Variants in NFASC observed in about 807,000 individuals in gnomAD.
NFASC encodes the protein neurofascin homolog.
A neutral mutation model predicts 147.5 loss-of-function variants in NFASC; 43 were observed. The ratio of observed to expected loss-of-function variants is 0.29; its 90% CI spans 0.23 to 0.38. NFASC has a LOEUF of 0.38. NFASC is among the 10% of genes least tolerant of loss of function. NFASC has a pLI of 1.00. For synonymous variants in NFASC, 622 were observed against 665.5 expected (o/e 0.93, Z 1.01); for missense variants, 1,320 against 1,689.0 (o/e 0.78, Z 3.83).
intron 1 of NFASC, among the ~76,000 whole-genome samples, chr1:204,908,014 T>C (rs2802838): frequency 0.88 from 134,171 of 152,146 alleles, 59,344 homozygotes; most frequent in African/African-American, 0.93. Flanking sequence ...CAGGGTCTTG[T>C]TCTGTCACTA....
In NFASC at chr1:204,844,655, C is replaced by A. The variant is rs554209634; in HGVS notation, c.-200+15873C>A. On this transcript the variant is annotated intron_variant, in intron 1 of 29. Coordinates refer to ENST00000339876, the MANE Select transcript of NFASC (RefSeq NM_001005388.3). ...CAGCGCTTTGGGAGGCTGAGGCAAG[C>A]AGATCACTTGGGCTCAATGTAAGAA... 1.1e-4 allele frequency among the ~76,000 whole-genome samples: 17 copies of A among 152,164 alleles called. No homozygotes were observed. In the East Asian group the frequency reaches 3.3e-3, roughly 29 times the overall value.
intron 10 of NFASC, among the ~76,000 whole-genome samples, chr1:204,969,331 G>A (rs531617118): frequency 1.3e-5 from 2 of 152,264 alleles, no homozygotes; most frequent in Admixed American, 6.5e-5. Context: ...TGTGTCACGT[G>A]AGCCCGTGCT....
In NFASC at chr1:205,019,433, T is replaced by A. The variant is rs1216798522; in HGVS notation, c.*2894T>A. The A allele has an allele frequency of 6.6e-6, 1 of 152,234 alleles. No individual in the cohort carries two copies. Among genetic ancestry groups the A allele is most frequent in the Non-Finnish European group, 1.5e-5 (1 of 68,054 alleles). 9.4% of individuals were successfully genotyped at this position (152,234 alleles called of 1,614,324 possible). On this transcript the variant is annotated 3_prime_UTR_variant, in exon 30 of 30. Coordinates refer to ENST00000339876, the MANE Select transcript of NFASC (RefSeq NM_001005388.3). ...TGACTAGGCTGCAATCCCACCTATATGCTCAGCCCTAAGAGCTGTGGTTTC... is the reference window on the plus strand; with the variant it reads ...TGACTAGGCTGCAATCCCACCTATAAGCTCAGCCCTAAGAGCTGTGGTTTC...
intron 1 of NFASC, among the ~76,000 whole-genome samples, chr1:204,882,038 C>T (rs934671724): frequency 6.6e-6 from 1 of 152,114 alleles, no homozygotes; most frequent in Admixed American, 6.5e-5. Context: ...CCCCACCCTG[C>T]TTCTTGGCTA....
chr1:204,992,316 G>T (rs1178065548), intron 24 of NFASC, among the ~76,000 whole-genome samples: 2 of 152,168 alleles, frequency 1.3e-5, no homozygotes, highest in Non-Finnish European at 2.9e-5. Flanking sequence ...AGGAATCTGA[G>T]GGTTGGCTTA....
In NFASC at chr1:205,016,584, G is replaced by A. The variant is rs1454587587; in HGVS notation, c.*45G>A. 2 of 1,395,366 alleles carry A rather than the reference G, an allele frequency of 1.4e-6. No homozygotes were observed. Among genetic ancestry groups the A allele is most frequent in the Admixed American group, 1.7e-5 (1 of 59,082 alleles). The allele number at this position is 1,395,366 out of a possible 1,614,324, so 86.4% of individuals were successfully genotyped here. On this transcript the variant is annotated 3_prime_UTR_variant, in exon 30 of 30. Coordinates refer to ENST00000339876, the MANE Select transcript of NFASC (RefSeq NM_001005388.3). This position sits in a 1 kb window ranked among gnomAD's most constrained non-coding sequence, Gnocchi z 5.1. Reference sequence around the variant, plus strand: ...GCCACCACTTTGCAAGTGGGAGGAGGGGAGAAGGGGAGACAAAACCACTGC... The same window carrying A: ...GCCACCACTTTGCAAGTGGGAGGAGAGGAGAAGGGGAGACAAAACCACTGC...
At chr1:204,903,918 T>C (rs2085209116) in intron 1 of NFASC, among the ~76,000 whole-genome samples, 1 of 152,204 alleles carries the variant, frequency 6.6e-6, no homozygotes, top group African/African-American at 2.4e-5. Context: ...TGTAGGGTGT[T>C]TGTTGAAATT....
At chr1:204,957,510 C>T in intron 7 of NFASC, 146 bp from the exon 8 acceptor site, 2 of 671,408 alleles carry the variant, frequency 3.0e-6, no homozygotes, top group African/African-American at 1.8e-5. Context: ...ATAAGCCATA[C>T]TTCAGAGTTG....
chr1:204,990,438 TCCAGCC>T (rs1381347330), intron 23 of NFASC: 1 of 151,962 alleles, frequency 6.6e-6, no homozygotes, highest in East Asian at 1.9e-4. Flanking sequence ...AGCCCTATTG[TCCAGCC>T]CCAGTAACCA....
chr1:204,945,512 T>G (rs1200656770), intron 3 of NFASC, among the ~76,000 whole-genome samples: 1 of 137,988 alleles, frequency 7.2e-6, no homozygotes, highest in African/African-American at 2.7e-5. Flanking sequence ...TCACCCATAA[T>G]AGCTGCCCCT....
Position 204,962,046 on chromosome 1 carries a change from G to T in NFASC, c.706+4220G>T. 2.3e-6 allele frequency: 3 copies of T among 1,322,936 alleles called. No homozygotes were observed. The South Asian group carries it at 3.6e-5, about 16-fold the overall frequency. 81.9% of individuals were successfully genotyped at this position (1,322,936 alleles called of 1,614,324 possible). On this transcript the variant is annotated intron_variant, in intron 8 of 29. Transcript: ENST00000339876. ...GGCTTTGCATTTGTTTTCTCTCCCC[G>T]TTTATGCCTCTGTGACTTCTCCGTG...
At chr1:204,992,760 G>A (rs532568492) in intron 24 of NFASC, among the ~76,000 whole-genome samples, 93 of 152,322 alleles carry the variant, frequency 6.1e-4, no homozygotes, top group South Asian at 1.9e-3. Context: ...CCCCTGTTCT[G>A]GCACCCTGGG....
At position 204,830,831 on chromosome 1, in the gene NFASC, G is replaced by C. The variant is rs78852012; in HGVS notation, c.-200+2049G>C. ...AGGCGTTAAGAGCGAATTGCAGACA[G>C]ACTCTGTCCCTTCTCTGCAAGGCTT... On this transcript the variant is annotated intron_variant, in intron 1 of 29. Coordinates refer to ENST00000339876, the MANE Select transcript of NFASC (RefSeq NM_001005388.3). Among the ~76,000 whole-genome samples the C allele has an allele frequency of 8.3e-3, 1,264 of 152,338 alleles. 8 individuals are homozygous for C. Among genetic ancestry groups the C allele is most frequent in the Non-Finnish European group, 0.011 (774 of 68,036 alleles).
intron 26 of NFASC, 34 bp downstream of exon 26, chr1:205,001,320 AG>A: frequency 7.0e-7 from 1 of 1,427,556 alleles, no homozygotes; most frequent in East Asian, 2.3e-5. Context: ...TGGTGGCGGC[AG>A]CGGCGTCGGC....
chr1:204,995,350 G>GTGTA (rs879385045), intron 24 of NFASC, among the ~76,000 whole-genome samples: 1,997 of 126,652 alleles, frequency 0.016, 22 homozygotes, highest in Middle Eastern at 0.029. Flanking sequence ...GTGTGTGTGT[G>GTGTA]TGTATGTGTG....
rs2150231115 is a variant in NFASC at position 204,968,225 on chromosome 1, G to A, written c.707-24G>A. ...TCTGCCTTCTGGAAGGAGGCTCATGGGAGTTTGTTCTCTCCTGTTTCAGCC... is the reference window on the plus strand; with the variant it reads ...TCTGCCTTCTGGAAGGAGGCTCATGAGAGTTTGTTCTCTCCTGTTTCAGCC... On this transcript the variant is annotated intron_variant, in intron 8 of 29. Transcript: ENST00000339876. The surrounding 1 kb of genome is among the most constrained non-coding windows in gnomAD (Gnocchi z 5.4). 6.3e-7 allele frequency: 1 copy of A among 1,575,726 alleles called. No individual in the cohort carries two copies. Among genetic ancestry groups the A allele is most frequent in the South Asian group, 1.1e-5 (1 of 90,278 alleles).
At position 205,012,768 on chromosome 1, in the gene NFASC, CTG is replaced by C. The variant is rs3839000; in HGVS notation, c.3422-25_3422-24del. 1.5e-3 allele frequency: 2,253 copies of C among 1,553,528 alleles called. 4 individuals carry two copies. Among genetic ancestry groups the C allele is most frequent in the East Asian group, 0.01 (465 of 44,570 alleles). On this transcript the variant is annotated intron_variant, in intron 28 of 29. Coordinates refer to ENST00000339876, the MANE Select transcript of NFASC (RefSeq NM_001005388.3). ...AGGGGCATGTACTTAATCGTCGTGT[CTG>C]TGTCTTTGCTTCTCCTTTTGACCAA...
At chr1:204,860,911 C>G (rs1313955214) in intron 1 of NFASC, among the ~76,000 whole-genome samples, 1 of 151,970 alleles carries the variant, frequency 6.6e-6, no homozygotes, top group Non-Finnish European at 1.5e-5. Flanking sequence ...GTTCTTCATT[C>G]CTTTTTGTGG....
intron 1 of NFASC, among the ~76,000 whole-genome samples, chr1:204,878,894 G>A (rs913481067): frequency 1.3e-5 from 2 of 152,238 alleles, no homozygotes; most frequent in Non-Finnish European, 2.9e-5. Context: ...GGAGGCAGGG[G>A]GACAGATCTT....
Sources: gnomAD v4.1 joint callset for allele counts (sites outside exome capture counted in the v4.1 genomes callset) on GRCh38, gnomAD v4.1.1 for gene constraint, Gnocchi (gnomAD v3.1) non-coding constraint, MANE v1.5 for transcripts, NCBI Gene and HGNC (gene_info 2026-07-23, HGNC 2026-07-21) for gene names.